Variants in JCAD observed in about 807,000 individuals in gnomAD.
The protein encoded by JCAD is junctional cadherin 5-associated protein.
In JCAD, 40 loss-of-function variants were observed where a neutral mutation model predicts 98.0. That is an observed-to-expected ratio of 0.41 (90% confidence interval 0.32 to 0.53). The LOEUF (loss-of-function observed/expected upper bound fraction) is 0.53. JCAD is among the 20% of genes least tolerant of loss of function. The pLI, the probability that JCAD is intolerant of heterozygous loss-of-function variation, is 0.31. For missense variants in JCAD, 1,705 were observed against 1,738.1 expected (o/e 0.98, Z 0.34); for synonymous variants, 691 against 682.3 (o/e 1.01, Z -0.20).
intron 1 of JCAD, among the ~76,000 whole-genome samples, chr10:30,080,716 G>A (rs954622551): frequency 1.8e-4 from 28 of 152,024 alleles, no homozygotes; most frequent in African/African-American, 6.3e-4. Flanking sequence ...AGGCCCCCTG[G>A]CCCATCAGCC....
In JCAD at chr10:30,067,389, C is replaced by T. The variant is rs182745342; in HGVS notation, n.250+2311G>A. On this transcript the variant is annotated intron_variant and non_coding_transcript_variant, in intron 2 of 2. Transcript: ENST00000465712. ...GGCTGGAGTGCAGAGTGCAGTGGCA[C>T]GATCTCGGCTCACTGCAACCTCCGC... Among the ~76,000 whole-genome samples, 670 of 151,942 alleles carry T rather than the reference C, an allele frequency of 4.4e-3. 3 individuals carry two copies. Among genetic ancestry groups the T allele is most frequent in the African/African-American group, 0.015 (622 of 41,468 alleles).
chr10:30,084,107 GAAAGAA>G (rs967997080), intron 1 of JCAD, among the ~76,000 whole-genome samples: 2 of 143,664 alleles, frequency 1.4e-5, no homozygotes, highest in Admixed American at 7.3e-5. Flanking sequence ...GGGAGAAAGA[GAAAGAA>G]AAAGAAAGAG....
chr10:30,075,207 T>C (rs1207490349), intron 1 of JCAD, among the ~76,000 whole-genome samples: 1 of 152,226 alleles, frequency 6.6e-6, no homozygotes, highest in African/African-American at 2.4e-5. Flanking sequence ...CCTTGGAATC[T>C]GAATGAAACA....
chr10:30,064,851 T>G (rs1837757141), intron 2 of JCAD, among the ~76,000 whole-genome samples: 1 of 152,212 alleles, frequency 6.6e-6, no homozygotes, highest in Non-Finnish European at 1.5e-5. Flanking sequence ...TTTGTATTTT[T>G]AGTAAAGACG....
In JCAD at chr10:30,027,571, ACTGCTGCTGCTGCTG is replaced by A. The variant is rs34594193; in HGVS notation, c.2562_2576del (p.Ser855_Ser859del). The A allele has an allele frequency of 2.5e-6, 4 of 1,612,352 alleles. No homozygotes were observed. Among genetic ancestry groups the A allele is most frequent in the Non-Finnish European group, 3.4e-6 (4 of 1,179,430 alleles). On this transcript the variant is annotated inframe_deletion, in exon 3 of 4. Transcript: ENST00000375377. ...GCTGCGGCTCCGCCTCACTCTCCTCACTGCTGCTGCTGCTGCTGCTGCTGCTACTGCTGCTTTCTT... is the reference window on the plus strand; with the variant it reads ...GCTGCGGCTCCGCCTCACTCTCCTCACTGCTGCTGCTACTGCTGCTTTCTT...
upstream of JCAD, among the ~76,000 whole-genome samples, chr10:30,059,825 T>C (rs1240530195): frequency 1.3e-5 from 2 of 152,126 alleles, no homozygotes; most frequent in Non-Finnish European, 1.5e-5. The surrounding 1 kb of genome is among the most constrained non-coding windows in gnomAD (Gnocchi z 5.0). Context: ...CTCTCACAGA[T>C]ACACAGAAAG....
At chr10:30,050,238 C>T (rs528238369) in intron 1 of JCAD, among the ~76,000 whole-genome samples, 1 of 149,332 alleles carries the variant, frequency 6.7e-6, no homozygotes, top group African/African-American at 2.5e-5. Flanking sequence ...TCGCTTGAAC[C>T]CTGGAGGCGG....
chr10:30,024,054 A>G (rs1836725426), intron 3 of JCAD, among the ~76,000 whole-genome samples: 1 of 152,202 alleles, frequency 6.6e-6, no homozygotes, highest in African/African-American at 2.4e-5. Flanking sequence ...AGTCCCAGCT[A>G]CTTGGGAGGC....
intron 1 of JCAD, among the ~76,000 whole-genome samples, chr10:30,083,749 T>G (rs755295135): frequency 6.6e-6 from 1 of 152,176 alleles, no homozygotes; most frequent in Non-Finnish European, 1.5e-5. Context: ...AAAAGGTGGC[T>G]GGGCGCGATA....
At chr10:30,075,885 A>G (rs1589707316) in intron 1 of JCAD, among the ~76,000 whole-genome samples, 1 of 152,310 alleles carries the variant, frequency 6.6e-6, no homozygotes, top group South Asian at 2.1e-4. Flanking sequence ...ACACGGCTGT[A>G]TCCTCACTGT....
At chr10:30,090,906 C>T (rs1319283825) in intron 1 of JCAD, among the ~76,000 whole-genome samples, 2 of 152,166 alleles carry the variant, frequency 1.3e-5, no homozygotes, top group African/African-American at 4.8e-5. Context: ...CAGCCGGATG[C>T]AGGCAAAGCC....
intron 1 of JCAD, among the ~76,000 whole-genome samples, chr10:30,048,884 A>G (rs1837411765): frequency 6.6e-6 from 1 of 152,106 alleles, no homozygotes; most frequent in Non-Finnish European, 1.5e-5. Flanking sequence ...TGAAACTTTT[A>G]TGAATCAAAT....
At chr10:30,055,737 T>C (rs1589697450) in intron 1 of JCAD, among the ~76,000 whole-genome samples, 1 of 152,182 alleles carries the variant, frequency 6.6e-6, no homozygotes, top group South Asian at 2.1e-4. Flanking sequence ...AAAAAACAAA[T>C]GAGTTGGAAA....
At chr10:30,024,840 C>T (rs944606583) in intron 3 of JCAD, among the ~76,000 whole-genome samples, 4 of 151,890 alleles carry the variant, frequency 2.6e-5, no homozygotes, top group Non-Finnish European at 5.9e-5. Context: ...AGACTACAGG[C>T]GCCCGCCGCC....
intron 1 of JCAD, among the ~76,000 whole-genome samples, chr10:30,071,111 G>A (rs1239435309): frequency 6.6e-6 from 1 of 152,120 alleles, no homozygotes; most frequent in South Asian, 2.1e-4. Flanking sequence ...CACCATATTG[G>A]CCAGGCTAGT....
chr10:30,040,955 A>T (rs2132635351), intron 2 of JCAD, among the ~76,000 whole-genome samples: 1 of 152,242 alleles, frequency 6.6e-6, no homozygotes, highest in Admixed American at 6.5e-5. Context: ...TTCCACACGA[A>T]CAACTCTCCT....
At chr10:30,037,670 T>G (rs1000962222) in intron 2 of JCAD, among the ~76,000 whole-genome samples, 1 of 151,880 alleles carries the variant, frequency 6.6e-6, no homozygotes, top group African/African-American at 2.4e-5. Context: ...AAATAATGGG[T>G]CTGGAAGAGG....
Position 30,085,350 on chromosome 10 carries a change from T to C in JCAD, n.129-15529A>G, listed in dbSNP as rs1183541635. On this transcript the variant is annotated intron_variant and non_coding_transcript_variant, in intron 1 of 2. Coordinates refer to the JCAD transcript ENST00000465712. The stretch of plus-strand genomic sequence containing the variant: ...TTTATTCATCCTATGGTAAGTTCGT[T>C]CTTACCATGAGATTCCTTCTAGCTC... Among the ~76,000 whole-genome samples the C allele has an allele frequency of 2.0e-5, 3 of 152,210 alleles. No individual in the cohort carries two copies. The East Asian group carries it at 5.8e-4, about 29-fold the overall frequency.
At position 30,112,159 on chromosome 10, in the gene JCAD, A is replaced by G. The variant is rs145945642; in HGVS notation, n.128+3208T>C. On this transcript the variant is annotated intron_variant and non_coding_transcript_variant, in intron 1 of 2. Coordinates refer to the JCAD transcript ENST00000465712. ...ACAGAATGGAGGACCGATGCAGGCT[A>G]CCTCATGGACAAACATTAAGAATAT... Among the ~76,000 whole-genome samples the G allele has an allele frequency of 3.3e-3, 498 of 152,312 alleles. 2 individuals carry two copies. Among genetic ancestry groups the G allele is most frequent in the African/African-American group, 0.011 (477 of 41,566 alleles).
Sources: gnomAD v4.1 joint callset for allele counts (sites outside exome capture counted in the v4.1 genomes callset) on GRCh38, gnomAD v4.1.1 for gene constraint, Gnocchi (gnomAD v3.1) non-coding constraint, MANE v1.5 for transcripts, NCBI Gene and HGNC (gene_info 2026-07-23, HGNC 2026-07-21) for gene names.